PTGR2: variants seen among roughly 807,000 people sequenced by gnomAD.
PTGR2 encodes the protein 15-oxoprostaglandin 13-reductase.
PTGR2 carries 32 observed loss-of-function variants against 43.4 expected under a neutral mutation model. The ratio of observed to expected loss-of-function variants is 0.74; its 90% CI spans 0.56 to 0.99. PTGR2 has a LOEUF of 0.99. PTGR2 is among the 50% of genes least tolerant of loss of function. The probability of loss-of-function intolerance (pLI) is 0.00; values close to 1 mark genes in which losing one functional copy is unlikely to be tolerated. For synonymous variants in PTGR2, 106 were observed against 139.2 expected (o/e 0.76, Z 1.68); for missense variants, 373 against 420.0 (o/e 0.89, Z 0.98).
At position 73,883,072 on chromosome 14, in the gene PTGR2, C is replaced by T. The variant is rs112195746; in HGVS notation, c.979+634C>T. Among the ~76,000 whole-genome samples, 1,366 of 147,520 alleles carry T rather than the reference C, an allele frequency of 9.3e-3. 11 individuals are homozygous for T. Among genetic ancestry groups the T allele is most frequent in the African/African-American group, 0.033 (1,301 of 39,970 alleles). On this transcript the variant is annotated intron_variant, in intron 9 of 9. Transcript: ENST00000555661. ...CTGAATTCAAGTGATTTGCCTGCCT[C>T]GGCCTCTCAAAGTGCTGGGATTACA...
At chr14:73,858,472 G>A (rs1278807713) in intron 1 of PTGR2, 3 of 163,968 alleles carry the variant, frequency 1.8e-5, no homozygotes, top group Non-Finnish European at 4.0e-5. Context: ...AGAATGGCGT[G>A]AACCCAGGAG....
intron 3 of PTGR2, among the ~76,000 whole-genome samples, chr14:73,870,257 C>T (rs1415331104): frequency 2.7e-5 from 4 of 148,410 alleles, no homozygotes; most frequent in Non-Finnish European, 1.5e-5. Flanking sequence ...TGGCTTACTG[C>T]CACCTCTGCC....
intron 5 of PTGR2, 50 bp from the exon 6 acceptor site, chr14:73,879,046 A>C (rs750642488): frequency 6.8e-7 from 1 of 1,460,336 alleles, no homozygotes; most frequent in South Asian, 1.2e-5. Flanking sequence ...ACATTTTTAC[A>C]TTTAAATGTG....
intron 3 of PTGR2, among the ~76,000 whole-genome samples, chr14:73,872,138 C>G (rs1359375241): frequency 2.6e-5 from 4 of 152,126 alleles, no homozygotes; most frequent in Non-Finnish European, 4.4e-5. Flanking sequence ...GGAAGAGAGC[C>G]TTGACTGCTA....
At chr14:73,867,171 A>G (rs1299676444) in intron 3 of PTGR2, among the ~76,000 whole-genome samples, 1 of 151,818 alleles carries the variant, frequency 6.6e-6, no homozygotes, top group African/African-American at 2.4e-5. Context: ...AAGCTGGAGC[A>G]TCATTCTTCT....
At chr14:73,865,599 T>A (rs563813046) in intron 3 of PTGR2, among the ~76,000 whole-genome samples, 1 of 152,180 alleles carries the variant, frequency 6.6e-6, no homozygotes, top group African/African-American at 2.4e-5. Flanking sequence ...CAACTCATTC[T>A]TTTTTACAAT....
At chr14:73,853,670 G>GT (rs905020922) in intron 1 of PTGR2, among the ~76,000 whole-genome samples, 1 of 152,096 alleles carries the variant, frequency 6.6e-6, no homozygotes, top group African/African-American at 2.4e-5. Context: ...CAACCTCACA[G>GT]TTTTTTTGGG....
chr14:73,866,828 C>T (rs1430343002), intron 3 of PTGR2, among the ~76,000 whole-genome samples: 1 of 151,960 alleles, frequency 6.6e-6, no homozygotes, highest in Admixed American at 6.6e-5. Flanking sequence ...GTGTCTCACA[C>T]CTGTAATCCC....
At chr14:73,879,637 C>A in intron 6 of PTGR2, 1 of 183,406 alleles carries the variant, frequency 5.5e-6, no homozygotes. Context: ...CAGCCATGGC[C>A]CCAGACCTAT....
chr14:73,858,443 C>T (rs1285604942), intron 1 of PTGR2: 2 of 159,690 alleles, frequency 1.3e-5, no homozygotes, highest in Non-Finnish European at 2.7e-5. Flanking sequence ...GTCCCATCTA[C>T]TCGGGAGGCT....
In PTGR2 at chr14:73,865,413, A is replaced by G. The variant is rs185753600; in HGVS notation, c.156+4756A>G. 3.3e-3 allele frequency among the ~76,000 whole-genome samples: 496 copies of G among 152,276 alleles called. 1 individual carries two copies. The highest frequency in any genetic ancestry group is 5.1e-3 in the Non-Finnish European group (348 of 68,000). On this transcript the variant is annotated intron_variant, in intron 3 of 9. Transcript: ENST00000555661. ...TTTGTTCCATCTGGGCTCCTTGTTG[A>G]ATGGATGGTGCCCACCCACATTGAG...
At chr14:73,857,012 C>T (rs1050118573) in intron 1 of PTGR2, among the ~76,000 whole-genome samples, 1 of 152,142 alleles carries the variant, frequency 6.6e-6, no homozygotes, top group African/African-American at 2.4e-5. Context: ...TGGCTCACGC[C>T]TGTAATCCCA....
In PTGR2 at chr14:73,874,096, G is replaced by A. The variant is rs1443765076; in HGVS notation, c.230G>A (p.Gly77Glu). The A allele has an allele frequency of 8.7e-6, 14 of 1,613,688 alleles. No homozygotes were observed. The highest frequency in any genetic ancestry group is 1.2e-5 in the Non-Finnish European group (14 of 1,179,794). The change falls in exon 4 of 10, where the codon GGA becomes GAA. Residue 77 changes from glycine to glutamate, a missense_variant. Coordinates refer to ENST00000555661, the MANE Select transcript of PTGR2 (RefSeq NM_001146154.2). The part of the protein sequence containing the change: ...PWQLSQVVDG[G>E]GIGIIEESKH... ...CAGCTATCTCAAGTCGTTGATGGAG[G>A]AGGTATTGGAATTATAGAAGAAAGC...
At chr14:73,865,066 A>ATGC (rs911193170) in intron 3 of PTGR2, among the ~76,000 whole-genome samples, 139 of 152,300 alleles carry the variant, frequency 9.1e-4, no homozygotes, top group African/African-American at 3.2e-3. Flanking sequence ...ACCCACAGAC[A>ATGC]TGCACACACA....
intron 3 of PTGR2, among the ~76,000 whole-genome samples, chr14:73,865,669 T>C (rs1447368995): frequency 7.2e-5 from 11 of 152,072 alleles, no homozygotes; most frequent in Non-Finnish European, 1.2e-4. Context: ...ACTGGGACGA[T>C]AGGTGCAAGC....
intron 1 of PTGR2, among the ~76,000 whole-genome samples, chr14:73,856,471 G>A (rs1354732313): frequency 6.6e-6 from 1 of 151,980 alleles, no homozygotes; most frequent in Non-Finnish European, 1.5e-5. Flanking sequence ...GGCTGGTCTC[G>A]AACTCCTGAC....
At chr14:73,854,521 G>T (rs2054300312) in intron 1 of PTGR2, among the ~76,000 whole-genome samples, 1 of 152,120 alleles carries the variant, frequency 6.6e-6, no homozygotes, top group African/African-American at 2.4e-5. Flanking sequence ...CAGAGTGAGA[G>T]AACTTTAATA....
intron 3 of PTGR2, chr14:73,861,009 A>G (rs1311951673): frequency 1.9e-5 from 3 of 157,988 alleles, no homozygotes; most frequent in African/African-American, 4.8e-5. Context: ...GATCCACTTT[A>G]TAAGAGAGGC....
Position 73,885,076 on chromosome 14 carries a change from G to T in PTGR2, c.*899G>T, listed in dbSNP as rs992921744. 9.9e-5 allele frequency: 15 copies of T among 152,266 alleles called. No homozygotes were observed. Among genetic ancestry groups the T allele is most frequent in the African/African-American group, 3.6e-4 (15 of 41,552 alleles). The allele number at this position is 152,266 out of a possible 1,614,324, so 9.4% of individuals were successfully genotyped here. A position where few individuals can be genotyped will look rare whatever the true frequency, so the allele number is the denominator to read the frequency against. On this transcript the variant is annotated 3_prime_UTR_variant, in exon 10 of 10. Coordinates refer to ENST00000555661, the MANE Select transcript of PTGR2 (RefSeq NM_001146154.2). ...AGGCAGAGGCGGGCAGATCACTTGA[G>T]GTCAGGAGTTCAAGACCAGCCTGGC... is the stretch of plus-strand genomic sequence containing the variant.
Sources: allele counts gnomAD v4.1 joint callset (sites outside exome capture counted in the v4.1 genomes callset), GRCh38; gene constraint gnomAD v4.1.1; transcripts MANE v1.5; gene names NCBI Gene and HGNC (gene_info 2026-07-23, HGNC 2026-07-21).